NEK1: variants seen among roughly 807,000 people sequenced by gnomAD.
NEK1 encodes the protein serine/threonine-protein kinase Nek1.
Under a neutral mutation model 182.1 loss-of-function variants are expected in NEK1, and 137 were observed. The observed-to-expected ratio is 0.75, with a 90% confidence interval of 0.65 to 0.87. NEK1 has a LOEUF of 0.87. Ranked by LOEUF, NEK1 falls within the 40% of genes least tolerant of loss-of-function variation. NEK1 has a pLI of 0.00. For synonymous variants in NEK1, 513 were observed against 492.2 expected, an observed-to-expected ratio of 1.04 and a Z score of -0.56; for missense variants, 1,391 against 1,494.4, an observed-to-expected ratio of 0.93 and a Z score of 1.14.
chr4:169,544,599 G>GTTTTT (rs139478702), intron 18 of NEK1, among the ~76,000 whole-genome samples: 147 of 66,284 alleles, frequency 2.2e-3, no homozygotes, highest in African/African-American at 3.0e-3. Context: ...TCTGGTCATG[G>GTTTTT]TTTTTTTTTT....
intron 27 of NEK1, among the ~76,000 whole-genome samples, chr4:169,450,729 C>G (rs1010131467): frequency 6.6e-6 from 1 of 152,180 alleles, no homozygotes; most frequent in South Asian, 2.1e-4. Context: ...ACCACTGATG[C>G]TATGAAGAAA....
chr4:169,579,874 T>C (rs1345356734), intron 11 of NEK1, among the ~76,000 whole-genome samples: 1 of 152,178 alleles, frequency 6.6e-6, no homozygotes, highest in African/African-American at 2.4e-5. Flanking sequence ...GGCTCATTTT[T>C]ATGATACATA....
chr4:169,438,888 C>T (rs780406404), intron 27 of NEK1, among the ~76,000 whole-genome samples: 1 of 152,190 alleles, frequency 6.6e-6, no homozygotes, highest in Non-Finnish European at 1.5e-5. Flanking sequence ...ATCTCCAGCA[C>T]TCCAATGGTC....
At chr4:169,445,557 G>A (rs1740339765) in intron 27 of NEK1, among the ~76,000 whole-genome samples, 1 of 152,068 alleles carries the variant, frequency 6.6e-6, no homozygotes, top group Non-Finnish European at 1.5e-5. Context: ...TATCCTAAGT[G>A]AACTAACTCA....
chr4:169,521,460 C>G (rs1334063957), intron 19 of NEK1, among the ~76,000 whole-genome samples: 2 of 151,480 alleles, frequency 1.3e-5, no homozygotes, highest in African/African-American at 4.9e-5. Context: ...AGAAATCACC[C>G]GTCTTCTGCG....
At chr4:169,557,231 G>A (rs935845926) in intron 16 of NEK1, among the ~76,000 whole-genome samples, 2 of 152,020 alleles carry the variant, frequency 1.3e-5, no homozygotes, top group African/African-American at 4.8e-5. Context: ...AAAAGTAACT[G>A]CTGAAGGAAG....
chr4:169,544,565 T>C (rs189595619), intron 18 of NEK1, among the ~76,000 whole-genome samples: 2 of 151,444 alleles, frequency 1.3e-5, no homozygotes, highest in East Asian at 1.9e-4. Context: ...TTTGTATCTC[T>C]GGTAGAATTC....
intron 26 of NEK1, among the ~76,000 whole-genome samples, chr4:169,475,765 A>T (rs1746834465): frequency 6.6e-6 from 1 of 152,120 alleles, no homozygotes; most frequent in South Asian, 2.1e-4. Flanking sequence ...ATAGAAAAAC[A>T]ACTCCTTAAA....
At chr4:169,420,327 A>C (rs1735273760) in intron 31 of NEK1, among the ~76,000 whole-genome samples, 1 of 152,222 alleles carries the variant, frequency 6.6e-6, no homozygotes, top group African/African-American at 2.4e-5. Context: ...CTTTCTTTTA[A>C]TACGTAGAAC....
rs760259174 is a variant in NEK1 at position 169,433,585 on chromosome 4, C to T, written c.2845G>A (p.Asp949Asn). 6.2e-7 allele frequency: 1 copy of T among 1,613,234 alleles called. No homozygotes were observed. The highest frequency in any genetic ancestry group is 1.1e-5 in the South Asian group (1 of 90,960). Reference protein sequence around the residue: ...KDESLPCTITDVWISEEKETK... With the variant: ...KDESLPCTITNVWISEEKETK... The stretch of plus-strand genomic sequence containing the variant: ...TCTTTTTCCTCACTAATCCACACAT[C>T]AGTAATAGTGCATGGCAAGCTCTCA... The change falls in exon 29 of 36, where the codon GAT (aspartate) becomes AAT (asparagine). Residue 949 changes from aspartate to asparagine, a missense_variant. Asp to Asn is a conservative substitution (Grantham distance 23). Transcript: ENST00000507142.
intron 28 of NEK1, among the ~76,000 whole-genome samples, chr4:169,437,315 TATC>T (rs987261150): frequency 7.9e-5 from 12 of 152,138 alleles, no homozygotes; most frequent in Admixed American, 4.6e-4. Flanking sequence ...CTGACTTTGT[TATC>T]ATATTAAACT....
chr4:169,529,406 T>G (rs1437987090), intron 19 of NEK1, among the ~76,000 whole-genome samples: 1 of 152,184 alleles, frequency 6.6e-6, no homozygotes, highest in African/African-American at 2.4e-5. Context: ...TTTTATGTTA[T>G]GTGTATTTTA....
chr4:169,463,083 T>C (rs1744267504), intron 27 of NEK1, among the ~76,000 whole-genome samples, 160 bp downstream of exon 27: 1 of 151,932 alleles, frequency 6.6e-6, no homozygotes, highest in African/African-American at 2.4e-5. Context: ...ATTTGGACAA[T>C]CCCCCTAGAA....
chr4:169,466,172 T>C (rs1744890427), intron 26 of NEK1, among the ~76,000 whole-genome samples: 1 of 152,064 alleles, frequency 6.6e-6, no homozygotes, highest in African/African-American at 2.4e-5. Context: ...CACACTGAAC[T>C]TGTCCTAATG....
chr4:169,424,560 T>C lies in NEK1; in HGVS notation c.3215A>G (p.Asn1072Ser), dbSNP rs758179393. Reference sequence around the variant, plus strand: ...CTTGAGGACCATACTTGCCTTTGGGTTGTTTGCATCAAACAGACCAGTTGA... The same window carrying C: ...CTTGAGGACCATACTTGCCTTTGGGCTGTTTGCATCAAACAGACCAGTTGA... The part of the protein sequence containing the change: ...GLSTGLFDAN[N>S]PKMLRTCSLP... The change falls in exon 31 of 36, where the codon AAC (asparagine) becomes AGC (serine). Residue 1072 changes from asparagine (N) to serine (S), a missense_variant. Transcript: ENST00000507142. 3.1e-6 allele frequency: 5 copies of C among 1,592,334 alleles called. No individual in the cohort carries two copies. The highest frequency in any genetic ancestry group is 4.3e-6 in the Non-Finnish European group (5 of 1,164,848).
At chr4:169,603,705 C>CTT (rs1311075135) in intron 2 of NEK1, among the ~76,000 whole-genome samples, 27 of 123,668 alleles carry the variant, frequency 2.2e-4, no homozygotes, top group South Asian at 1.4e-3. Context: ...ATTTATTGAA[C>CTT]ATTTTTTTTT....
intron 31 of NEK1, among the ~76,000 whole-genome samples, chr4:169,410,342 T>C (rs1733457933): frequency 1.3e-5 from 2 of 152,294 alleles, no homozygotes; most frequent in Admixed American, 6.5e-5. Flanking sequence ...TTTTCAAAGA[T>C]GTAGAGAAAC....
intron 5 of NEK1, among the ~76,000 whole-genome samples, chr4:169,594,027 T>C (rs1331624711): frequency 1.3e-5 from 2 of 152,076 alleles, no homozygotes; most frequent in Non-Finnish European, 2.9e-5. Flanking sequence ...GCTTCTAATC[T>C]GTGCATTTTA....
chr4:169,460,596 A>C (rs995421093), intron 27 of NEK1, among the ~76,000 whole-genome samples: 14 of 152,214 alleles, frequency 9.2e-5, no homozygotes, highest in East Asian at 1.9e-4. Context: ...AACAAAAAAA[A>C]CCCACTATGT....
Sources: allele counts gnomAD v4.1 joint callset (sites outside exome capture counted in the v4.1 genomes callset), GRCh38; gene constraint gnomAD v4.1.1; transcripts MANE v1.5; gene names NCBI Gene and HGNC (gene_info 2026-07-23, HGNC 2026-07-21).